Variants in USP42 observed in about 807,000 individuals in gnomAD.
USP42 encodes the protein ubiquitin carboxyl-terminal hydrolase 42.
Under a neutral mutation model 113.0 loss-of-function variants are expected in USP42, and 23 were observed. The observed-to-expected ratio is 0.20, with a 90% CI of 0.15 to 0.29. The LOEUF (loss-of-function observed/expected upper bound fraction) is 0.29, where lower values mean the gene tolerates loss of function less well. USP42 is among the 10% of genes least tolerant of loss of function. The probability of loss-of-function intolerance (pLI) is 1.00; values close to 1 mark genes in which losing one functional copy is unlikely to be tolerated. For missense variants in USP42, 2,174 were observed against 1,779.8 expected (o/e 1.22, Z -3.99); for synonymous variants, 933 against 699.0 (o/e 1.33, Z -5.28).
At chr7:6,123,884 C>T (rs995187607) in intron 3 of USP42, among the ~76,000 whole-genome samples, 2 of 142,660 alleles carry the variant, frequency 1.4e-5, no homozygotes, top group African/African-American at 5.1e-5. Context: ...TATCGTTTCT[C>T]TTTTTTTTTG....
At chr7:6,088,748 G>A in the USP42 span, 1 of 151,206 alleles carries the variant, frequency 6.6e-6, no homozygotes, top group Non-Finnish European at 1.5e-5. Flanking sequence ...TCATCAAGGT[G>A]AGTTCGACAT....
At chr7:6,145,301 A>G (rs186804390) in intron 9 of USP42, among the ~76,000 whole-genome samples, 2 of 151,798 alleles carry the variant, frequency 1.3e-5, no homozygotes, top group East Asian at 3.9e-4. Context: ...ACTGCACTCC[A>G]GCCTGGGTGA....
intron 2 of USP42, among the ~76,000 whole-genome samples, chr7:6,113,890 G>T (rs1352415688): frequency 6.7e-6 from 1 of 149,658 alleles, no homozygotes; most frequent in Non-Finnish European, 1.5e-5. Flanking sequence ...CAAAGTGCTG[G>T]GATTACAGGC....
the USP42 span, chr7:6,084,486 G>C: frequency 1.3e-5 from 2 of 151,418 alleles, no homozygotes; most frequent in Admixed American, 1.3e-4. Flanking sequence ...TGAGGGAGGG[G>C]CTCTCCTTTG....
In USP42 at chr7:6,154,490, G is replaced by T. The variant is rs1186657355; in HGVS notation, c.2936G>T (p.Arg979Leu). 1.3e-6 allele frequency: 2 copies of T among 1,546,850 alleles called. No homozygotes were observed. Among genetic ancestry groups the T allele is most frequent in the Admixed American group, 2.0e-5 (1 of 51,018 alleles). Reference protein sequence around the residue: ...SRSKTEGHRHRRRRTCPRERD... With the variant: ...SRSKTEGHRHLRRRTCPRERD... ...AGCAAGACTGAGGGCCACCGTCACCGGCGGCGCCGCACCTGCCCCCGGGAG... is the reference window on the plus strand; with the variant it reads ...AGCAAGACTGAGGGCCACCGTCACCTGCGGCGCCGCACCTGCCCCCGGGAG... Residue 979 changes from arginine (R) to leucine (L), a missense_variant, in exon 15 of 18, where the codon CGG becomes CTG. Arg to Leu is a moderately radical substitution (Grantham distance 102). Coordinates refer to ENST00000306177, the MANE Select transcript of USP42 (RefSeq NM_032172.3).
At chr7:6,084,720 CT>C in the USP42 span, 2,540 of 139,814 alleles carry the variant, frequency 0.018, 49 homozygotes, top group Middle Eastern at 0.073. Flanking sequence ...CGCAAGGACT[CT>C]TTTTTTTTTT....
At chr7:6,115,721 G>C (rs942267809) in intron 3 of USP42, among the ~76,000 whole-genome samples, 198 bp downstream of exon 3, 2 of 152,144 alleles carry the variant, frequency 1.3e-5, no homozygotes, top group African/African-American at 4.8e-5. Flanking sequence ...AATTAGACCT[G>C]TGAAGGTATT....
At chr7:6,100,372 C>A (rs1056489760), upstream of USP42, among the ~76,000 whole-genome samples, 3 of 150,770 alleles carry the variant, frequency 2.0e-5, no homozygotes, top group Non-Finnish European at 4.4e-5. Flanking sequence ...TCTTGTTGCC[C>A]AGGCTGGAGT....
rs778248650 is a variant in USP42 at position 6,154,803 on chromosome 7, C to G, written c.3249C>G (p.His1083Gln). 17 of 1,545,680 alleles carry G rather than the reference C, an allele frequency of 1.1e-5. No individual in the cohort carries two copies. The South Asian group carries it at 1.8e-4, about 16-fold the overall frequency. ...DWKPFHGGRE[H>Q]ERAGLHERPH... ...AGCCCTTCCACGGCGGCCGCGAGCA[C>G]GAGCGGGCCGGGCTGCACGAGCGGC... Residue 1083 changes from histidine (H) to glutamine (Q), a missense_variant, in exon 15 of 18, where the codon CAC becomes CAG. By Grantham distance (24) the His-to-Gln change is conservative (BLOSUM62 0). Transcript: ENST00000306177.
At chr7:6,150,557 A>G in intron 14 of USP42, 51 bp downstream of exon 14, 2 of 1,482,012 alleles carry the variant, frequency 1.3e-6, no homozygotes, top group Non-Finnish European at 1.9e-6. Context: ...TAGGAAATCC[A>G]GTAGCCTCCA....
intron 1 of USP42, among the ~76,000 whole-genome samples, chr7:6,107,368 T>TA (rs1230401064): frequency 6.6e-6 from 1 of 152,084 alleles, no homozygotes; most frequent in East Asian, 1.9e-4. Context: ...AACCTTTTCT[T>TA]ATATTTCTTA....
intron 3 of USP42, among the ~76,000 whole-genome samples, chr7:6,118,800 TAGAC>T (rs1554337252): frequency 6.6e-6 from 1 of 152,190 alleles, no homozygotes; most frequent in Non-Finnish European, 1.5e-5. Context: ...TGAAGCACTT[TAGAC>T]AGAAGAAAAA....
At chr7:6,119,941 G>C (rs956680696) in intron 3 of USP42, among the ~76,000 whole-genome samples, 2 of 152,014 alleles carry the variant, frequency 1.3e-5, no homozygotes, top group African/African-American at 2.4e-5. Context: ...CGCTTAAGCG[G>C]TTCTCTTGCC....
rs1022526723 is a variant in USP42, at chr7:6,150,201, C to G, written c.2005C>G (p.Pro669Ala). The change falls in exon 13 of 18, where the codon CCG (proline) becomes GCG (alanine). Residue 669 changes from proline (P) to alanine (A), a missense_variant. By Grantham distance (27) the Pro-to-Ala change is conservative. Transcript: ENST00000306177. ...GANSADSDSD[P>A]KENGLAPDGA... The stretch of plus-strand genomic sequence containing the variant: ...TAATAGTGCAGACAGCGACAGTGAC[C>G]CGAAAGAAAACGGCCTAGCGCCTGA... The G allele has an allele frequency of 3.7e-6, 6 of 1,613,784 alleles. No individual in the cohort carries two copies. In the African/African-American group the frequency reaches 6.7e-5, roughly 18 times the overall value.
chr7:6,159,364 A>G lies in USP42; in HGVS notation c.3944-86A>G, dbSNP rs1782640747. The G allele has an allele frequency of 1.0e-5, 16 of 1,586,112 alleles. No homozygotes were observed. Among genetic ancestry groups the G allele is most frequent in the Admixed American group, 1.7e-5 (1 of 58,944 alleles). ...ACAGGGAACCGCAGTGACTCTGACC[A>G]TAGCCACTTAACGCACACACACAGC... is the stretch of plus-strand genomic sequence containing the variant. On this transcript the variant is annotated intron_variant, in intron 16 of 17. Transcript: ENST00000306177. This position sits in a 1 kb window ranked among gnomAD's most constrained non-coding sequence, Gnocchi z 4.1.
chr7:6,089,676 G>A, the USP42 span, among the ~76,000 whole-genome samples: 1 of 149,894 alleles, frequency 6.7e-6, no homozygotes, highest in Non-Finnish European at 1.5e-5. Flanking sequence ...GGGATTACAG[G>A]CATGCACCAC....
In USP42 at chr7:6,154,603, T is replaced by A. The variant is rs748347563; in HGVS notation, c.3049T>A (p.Cys1017Ser). 1.3e-6 allele frequency: 2 copies of A among 1,585,972 alleles called. No individual in the cohort carries two copies. The highest frequency in any genetic ancestry group is 2.7e-5 in the African/African-American group (2 of 74,240). The stretch of plus-strand genomic sequence containing the variant: ...TGGCGAGCGCCGCTCTCTGGGCAGG[T>A]GCAGTCACCACCACTCCCGACACCG... ...SPGERRSLGR[C>S]SHHHSRHRSG... The change falls in exon 15 of 18, where the codon TGC (cysteine) becomes AGC (serine). Residue 1017 changes from cysteine to serine, a missense_variant. Coordinates refer to ENST00000306177, the MANE Select transcript of USP42 (RefSeq NM_032172.3).
chr7:6,115,438 C>T lies in USP42; in HGVS notation c.357C>T (p.Thr119=), dbSNP rs780172046. 2 of 1,614,044 alleles carry T rather than the reference C, an allele frequency of 1.2e-6. No homozygotes were observed. Among genetic ancestry groups the T allele is most frequent in the Admixed American group, 3.3e-5 (2 of 60,032 alleles). Residue 119 remains threonine (T), a synonymous_variant, in exon 3 of 18, where the codon ACC becomes ACT. Transcript: ENST00000306177. ...CTGGGCTCCAGAATTTGGGCAATAC[C>T]TGTTTTGCCAATGCAGCACTGCAGT... ...VGAGLQNLGN[T]CFANAALQCL...
intron 3 of USP42, among the ~76,000 whole-genome samples, chr7:6,119,316 TA>T (rs1190555832): frequency 1.3e-5 from 2 of 151,974 alleles, no homozygotes; most frequent in East Asian, 3.9e-4. Context: ...TTACAAAAAA[TA>T]AAAAAAATTC....
Sources: gnomAD v4.1 joint callset for allele counts (sites outside exome capture counted in the v4.1 genomes callset) on GRCh38, gnomAD v4.1.1 for gene constraint, Gnocchi (gnomAD v3.1) non-coding constraint, MANE v1.5 for transcripts, NCBI Gene and HGNC (gene_info 2026-07-23, HGNC 2026-07-21) for gene names.